Variants in MED13L observed in about 807,000 individuals in gnomAD.
MED13L encodes mediator complex subunit 13L, also known as mediator of RNA polymerase II transcription subunit 13-like.
Under a neutral mutation model 220.9 loss-of-function variants are expected in MED13L, and 7 were observed. That is an observed-to-expected ratio of 0.03 (90% CI 0.02 to 0.06). MED13L has a LOEUF of 0.06. MED13L is among the 10% of genes least tolerant of loss of function. The pLI is 1.00. For synonymous variants in MED13L, 1,011 were observed against 1,015.2 expected (o/e 1.00, Z 0.08); for missense variants, 1,965 against 2,760.5 (o/e 0.71, Z 6.46).
intron 2 of MED13L, among the ~76,000 whole-genome samples, chr12:116,121,559 A>G (rs1453216590): frequency 6.6e-6 from 1 of 152,200 alleles, no homozygotes; most frequent in African/African-American, 2.4e-5. Flanking sequence ...GGAGGAGCAT[A>G]AAGATTGTGA....
chr12:116,180,518 C>A (rs971753330), intron 2 of MED13L, among the ~76,000 whole-genome samples: 1 of 152,126 alleles, frequency 6.6e-6, no homozygotes, highest in Admixed American at 6.6e-5. Flanking sequence ...TGCAAATATT[C>A]CAAAATCTGA....
chr12:115,982,330 A>G (rs774286275), intron 22 of MED13L, 54 bp downstream of exon 22: 32 of 1,538,236 alleles, frequency 2.1e-5, no homozygotes, highest in South Asian at 1.8e-4. Context: ...ATTTATTTTC[A>G]TAACAACAAA....
At position 116,058,590 on chromosome 12, in the gene MED13L, C is replaced by T. The variant is rs576789233; in HGVS notation, c.480-35989G>A. Among the ~76,000 whole-genome samples the T allele has an allele frequency of 2.1e-3, 325 of 152,176 alleles. 3 individuals are homozygous for T. Among genetic ancestry groups the T allele is most frequent in the African/African-American group, 7.4e-3 (308 of 41,520 alleles). On this transcript the variant is annotated intron_variant, in intron 4 of 30. Coordinates refer to ENST00000281928, the MANE Select transcript of MED13L (RefSeq NM_015335.5). ...CTATGACCTTAACCATTTATATGAC[C>T]TCCCACAATACGTTTTTGAAGATCA...
chr12:116,072,974 C>CT (rs1593011611), intron 4 of MED13L, among the ~76,000 whole-genome samples: 2 of 152,212 alleles, frequency 1.3e-5, no homozygotes, highest in East Asian at 3.9e-4. Context: ...TGAATTAAAA[C>CT]TTTAAGTATT....
chr12:116,111,588 T>C (rs1047563111), intron 2 of MED13L, 76 bp from the exon 3 acceptor site: 5 of 1,158,540 alleles, frequency 4.3e-6, no homozygotes, highest in Non-Finnish European at 6.2e-6. Flanking sequence ...TTTTAAAACA[T>C]TTTTCTAAAG....
intron 2 of MED13L, among the ~76,000 whole-genome samples, chr12:116,191,414 T>TCCA (rs1881271457): frequency 6.6e-6 from 1 of 151,964 alleles, no homozygotes. Context: ...TACTGCAACC[T>TCCA]CCACCCCCTG....
chr12:116,040,181 C>T (rs1881441217), intron 4 of MED13L, among the ~76,000 whole-genome samples: 1 of 152,164 alleles, frequency 6.6e-6, no homozygotes, highest in South Asian at 2.1e-4. Flanking sequence ...GTAACAGAAG[C>T]TTTCCGTTCA....
At chr12:116,152,743 T>C (rs1878143904) in intron 2 of MED13L, among the ~76,000 whole-genome samples, 1 of 152,166 alleles carries the variant, frequency 6.6e-6, no homozygotes. Context: ...AATGCCCTTA[T>C]TTTTTAAAAA....
At chr12:116,071,254 A>C (rs1870348579) in intron 4 of MED13L, among the ~76,000 whole-genome samples, 1 of 152,218 alleles carries the variant, frequency 6.6e-6, no homozygotes, top group Non-Finnish European at 1.5e-5. Context: ...TTTAAGATAA[A>C]TGACTTCTTT....
intron 28 of MED13L, 72 bp downstream of exon 28, chr12:115,968,868 A>C: frequency 6.4e-7 from 1 of 1,567,936 alleles, no homozygotes; most frequent in Non-Finnish European, 8.8e-7. Flanking sequence ...GAACAAGATG[A>C]TCAGATGTCC....
At chr12:115,980,214 T>C (rs1012953147) in intron 23 of MED13L, among the ~76,000 whole-genome samples, 1 of 152,196 alleles carries the variant, frequency 6.6e-6, no homozygotes, top group African/African-American at 2.4e-5. Flanking sequence ...TATTATTGCC[T>C]AAAGTCCTAC....
intron 2 of MED13L, among the ~76,000 whole-genome samples, chr12:116,173,954 C>T (rs61935839): frequency 0.064 from 9,677 of 152,028 alleles, 403 homozygotes; most frequent in Middle Eastern, 0.11. Context: ...TAAAAATTAG[C>T]CCAGTGTGAT....
chr12:116,159,273 C>T (rs1268066609), intron 2 of MED13L, among the ~76,000 whole-genome samples: 1 of 152,114 alleles, frequency 6.6e-6, no homozygotes, highest in Admixed American at 6.6e-5. Context: ...ATGGAGGTCG[C>T]AATCTCAGAG....
intron 2 of MED13L, among the ~76,000 whole-genome samples, chr12:116,128,319 C>T (rs1027884479): frequency 8.5e-5 from 13 of 152,072 alleles, no homozygotes; most frequent in East Asian, 3.9e-4. Flanking sequence ...TTTTATACTA[C>T]GCAAAATAGC....
At chr12:116,119,905 T>G (rs1194769381) in intron 2 of MED13L, among the ~76,000 whole-genome samples, 17 of 144,696 alleles carry the variant, frequency 1.2e-4, no homozygotes. Context: ...CTTAAGAATT[T>G]GTAGTCAAAC....
chr12:116,207,430 A>G (rs774186016), intron 2 of MED13L, among the ~76,000 whole-genome samples: 15 of 152,182 alleles, frequency 9.9e-5, no homozygotes, highest in Admixed American at 5.2e-4. Context: ...AGTAGGCTAT[A>G]CTGTCTGTGT....
At chr12:116,042,186 G>A (rs746640888) in intron 4 of MED13L, among the ~76,000 whole-genome samples, 13 of 152,212 alleles carry the variant, frequency 8.5e-5, no homozygotes, top group South Asian at 8.3e-4. Context: ...AAGTACCACT[G>A]ATGAAGACAC....
At chr12:116,020,571 A>T (rs1231736275) in intron 5 of MED13L, among the ~76,000 whole-genome samples, 1 of 152,228 alleles carries the variant, frequency 6.6e-6, no homozygotes, top group African/African-American at 2.4e-5. Flanking sequence ...GAAGCATAAT[A>T]GTTATCGTTT....
chr12:116,063,761 T>C (rs756303839), intron 4 of MED13L, among the ~76,000 whole-genome samples: 2 of 152,206 alleles, frequency 1.3e-5, no homozygotes, highest in Admixed American at 6.5e-5. Context: ...AGTATCATTA[T>C]GGTACTGTTG....
Sources: allele counts gnomAD v4.1 joint callset (sites outside exome capture counted in the v4.1 genomes callset), GRCh38; gene constraint gnomAD v4.1.1; transcripts MANE v1.5; gene names NCBI Gene and HGNC (gene_info 2026-07-23, HGNC 2026-07-21).